Variants in TDRD3 observed in about 807,000 individuals in gnomAD.
TDRD3 encodes tudor domain containing 3.
Under a neutral mutation model 86.7 loss-of-function variants are expected in TDRD3, and 45 were observed. The ratio of observed to expected loss-of-function variants is 0.52; its 90% confidence interval spans 0.41 to 0.67. The LOEUF is 0.67. TDRD3 is among the 30% of genes least tolerant of loss of function. TDRD3 has a pLI of 0.00. For synonymous variants in TDRD3, 298 were observed against 301.7 expected (o/e 0.99, Z 0.13); for missense variants, 814 against 889.0 (o/e 0.92, Z 1.07).
At chr13:60,540,300 T>C (rs1957781963) in intron 12 of TDRD3, among the ~76,000 whole-genome samples, 2 of 152,178 alleles carry the variant, frequency 1.3e-5, no homozygotes, top group South Asian at 4.1e-4. Flanking sequence ...TTTCAAATCA[T>C]GGTACATGGA....
intron 1 of TDRD3, among the ~76,000 whole-genome samples, chr13:60,420,786 CA>C (rs1234995526): frequency 6.6e-6 from 1 of 151,380 alleles, no homozygotes; most frequent in Non-Finnish European, 1.5e-5. Context: ...ACTAAAAATA[CA>C]AAAAAAATTA....
chr13:60,439,724 C>T lies in TDRD3; in HGVS notation c.78C>T (p.Ser26=). Residue 26 remains serine, a synonymous_variant, in exon 2 of 14, where the codon AGC becomes AGT. Coordinates refer to ENST00000377881, the MANE Select transcript of TDRD3 (RefSeq NM_001146070.2). ...ATGAAGGCATTGAAGCTTGCACAAG[C>T]TCTCCAGACAAAGTCAATGTAAATG... ...LSDEGIEACT[S]SPDKVNVNDI... 1.3e-6 allele frequency: 2 copies of T among 1,545,856 alleles called. No homozygotes were observed. The highest frequency in any genetic ancestry group is 1.7e-6 in the Non-Finnish European group (2 of 1,145,126).
intron 12 of TDRD3, among the ~76,000 whole-genome samples, chr13:60,547,864 T>C (rs1459546440): frequency 1.3e-5 from 2 of 152,204 alleles, no homozygotes; most frequent in African/African-American, 4.8e-5. Context: ...CTCACCTTTC[T>C]TCTTTAATAT....
intron 1 of TDRD3, among the ~76,000 whole-genome samples, chr13:60,417,796 C>G (rs1426316622): frequency 1.3e-5 from 2 of 152,274 alleles, no homozygotes; most frequent in Admixed American, 1.3e-4. Flanking sequence ...TTCTCTTCCC[C>G]TCCATCTCCC....
rs1471155216 is a variant in TDRD3 at position 60,458,196 on chromosome 13, G to A, written c.193-2184G>A. Among the ~76,000 whole-genome samples, 10 of 152,252 alleles carry A rather than the reference G, an allele frequency of 6.6e-5. No individual in the cohort carries two copies. The East Asian group carries it at 1.9e-3, about 29-fold the overall frequency. The stretch of plus-strand genomic sequence containing the variant: ...TGTTCTCATAGTCAACCAGATGTAG[G>A]AGATCACCAAAATAGTCCTATTCCT... On this transcript the variant is annotated intron_variant, in intron 3 of 13. Transcript: ENST00000377881.
chr13:60,572,626 G>T (rs1958611879), intron 13 of TDRD3, among the ~76,000 whole-genome samples: 1 of 152,146 alleles, frequency 6.6e-6, no homozygotes, highest in African/African-American at 2.4e-5. Context: ...TTAAATAAAC[G>T]CTGACTCACT....
intron 8 of TDRD3, among the ~76,000 whole-genome samples, chr13:60,507,345 C>T (rs954648480): frequency 6.6e-6 from 1 of 152,100 alleles, no homozygotes; most frequent in Non-Finnish European, 1.5e-5. Context: ...ACCAAGCGGA[C>T]CTAATAGACA....
intron 5 of TDRD3, among the ~76,000 whole-genome samples, chr13:60,474,716 A>G (rs940812592): frequency 6.6e-6 from 1 of 152,302 alleles, no homozygotes; most frequent in Non-Finnish European, 1.5e-5. Context: ...TTTCCCTTAA[A>G]TGGTTTTTAA....
intron 12 of TDRD3, among the ~76,000 whole-genome samples, chr13:60,563,408 A>G (rs1958382665): frequency 2.0e-5 from 3 of 152,304 alleles, no homozygotes; most frequent in South Asian, 4.1e-4. Flanking sequence ...CCAAATTTCC[A>G]AACTCAAACT....
At chr13:60,432,425 A>G (rs927545414) in intron 1 of TDRD3, among the ~76,000 whole-genome samples, 6 of 152,126 alleles carry the variant, frequency 3.9e-5, no homozygotes, top group Admixed American at 2.6e-4. Flanking sequence ...TATTTTCCCA[A>G]GTTATATTCA....
chr13:60,425,226 A>C (rs567409081), intron 1 of TDRD3, among the ~76,000 whole-genome samples: 41 of 152,348 alleles, frequency 2.7e-4, no homozygotes, highest in African/African-American at 9.9e-4. Context: ...TTCCCCAAAG[A>C]AGACATAAAA....
At chr13:60,493,653 C>T (rs867841296) in intron 7 of TDRD3, among the ~76,000 whole-genome samples, 1 of 151,938 alleles carries the variant, frequency 6.6e-6, no homozygotes, top group Non-Finnish European at 1.5e-5. Context: ...ACAGAAAGAC[C>T]CTGTCTCAAA....
At chr13:60,423,072 C>T (rs998881779) in intron 1 of TDRD3, among the ~76,000 whole-genome samples, 2 of 151,944 alleles carry the variant, frequency 1.3e-5, no homozygotes, top group African/African-American at 2.4e-5. Flanking sequence ...CAAATAAAAG[C>T]AAAAGAATTA....
chr13:60,475,235 T>G (rs1298795485), intron 5 of TDRD3, among the ~76,000 whole-genome samples: 2 of 152,120 alleles, frequency 1.3e-5, no homozygotes, highest in Non-Finnish European at 2.9e-5. Flanking sequence ...ACTTATTTCC[T>G]CCTCCCACCC....
At chr13:60,409,348 A>G (rs939158038) in intron 1 of TDRD3, among the ~76,000 whole-genome samples, 12 of 152,150 alleles carry the variant, frequency 7.9e-5, no homozygotes, top group Admixed American at 3.9e-4. Context: ...CTGTGAGAAG[A>G]AGGCCACTGT....
At chr13:60,436,162 A>G (rs904149783) in intron 1 of TDRD3, among the ~76,000 whole-genome samples, 1 of 144,510 alleles carries the variant, frequency 6.9e-6, no homozygotes, top group Non-Finnish European at 1.5e-5. Context: ...TCTGGATTCT[A>G]GTCCTTTTTG....
rs183635459 is a variant in TDRD3 at position 60,433,994 on chromosome 13, A to G, written c.42-5694A>G. The G allele has an allele frequency of 3.9e-5, 6 of 152,334 alleles. No individual in the cohort carries two copies. In the East Asian group the frequency reaches 1.2e-3, roughly 29 times the overall value. The allele number at this position is 152,334 out of a possible 1,614,324, so 9.4% of individuals were successfully genotyped here. On this transcript the variant is annotated intron_variant, in intron 1 of 13. Coordinates refer to ENST00000377881, the MANE Select transcript of TDRD3 (RefSeq NM_001146070.2). ...AGTTTAAAACAATAGTGTTTGTTTT[A>G]TCACAGTTTTCTGCCAATTGAGATT...
chr13:60,402,851 G>A (rs368908025), intron 1 of TDRD3, among the ~76,000 whole-genome samples: 1 of 152,006 alleles, frequency 6.6e-6, no homozygotes, highest in Non-Finnish European at 1.5e-5. Flanking sequence ...ACCACGCCTG[G>A]CTAGCCAATT....
chr13:60,559,064 T>C (rs1165033503), intron 12 of TDRD3, among the ~76,000 whole-genome samples: 1 of 151,848 alleles, frequency 6.6e-6, no homozygotes, highest in Non-Finnish European at 1.5e-5. Context: ...TTTAGTTTAA[T>C]TGAAGTAGGT....
Sources: allele counts gnomAD v4.1 joint callset (sites outside exome capture counted in the v4.1 genomes callset), GRCh38; gene constraint gnomAD v4.1.1; transcripts MANE v1.5; gene names NCBI Gene and HGNC (gene_info 2026-07-23, HGNC 2026-07-21).